ENOX1: variants seen among roughly 807,000 people sequenced by gnomAD.
The protein encoded by ENOX1 is candidate growth-related and time keeping constitutive hydroquinone (NADH) oxidase.
ENOX1 carries 42 observed loss-of-function variants against 82.5 expected under a neutral mutation model. That is an observed-to-expected ratio of 0.51 (90% CI 0.40 to 0.66). The LOEUF (loss-of-function observed/expected upper bound fraction) is 0.66, where lower values mean the gene tolerates loss of function less well. ENOX1 is among the 30% of genes least tolerant of loss of function. The pLI is 0.00. For missense variants in ENOX1, 608 were observed against 811.6 expected (o/e 0.75, Z 3.05); for synonymous variants, 271 against 282.2 (o/e 0.96, Z 0.40).
intron 1 of ENOX1, among the ~76,000 whole-genome samples, chr13:43,710,790 A>C (rs1159961372): frequency 1.3e-5 from 2 of 152,186 alleles, no homozygotes; most frequent in African/African-American, 4.8e-5. Context: ...GATCAACTTA[A>C]CATCTACAAA....
intron 3 of ENOX1, among the ~76,000 whole-genome samples, chr13:43,415,178 A>G (rs1366528436): frequency 2.0e-5 from 3 of 149,470 alleles, no homozygotes; most frequent in African/African-American, 7.4e-5. Context: ...TTATCCCCCA[A>G]TGAAACTCTT....
chr13:43,573,912 T>G (rs1271578600), intron 2 of ENOX1, among the ~76,000 whole-genome samples: 3 of 152,148 alleles, frequency 2.0e-5, no homozygotes, highest in Non-Finnish European at 4.4e-5. Context: ...CAAAATACAT[T>G]GTGCAATATT....
At chr13:43,337,352 G>C (rs1258703900) in intron 9 of ENOX1, among the ~76,000 whole-genome samples, 1 of 152,130 alleles carries the variant, frequency 6.6e-6, no homozygotes, top group Non-Finnish European at 1.5e-5. Context: ...TCTTGCTAGA[G>C]GGAAAATCAA....
At chr13:43,522,112 T>C (rs766329528) in intron 2 of ENOX1, among the ~76,000 whole-genome samples, 3 of 152,034 alleles carry the variant, frequency 2.0e-5, no homozygotes, top group Admixed American at 6.6e-5. Flanking sequence ...CTCAGTCACA[T>C]CTAGTTCTTG....
chr13:43,544,012 G>T, intron 2 of ENOX1: 1 of 148,718 alleles, frequency 6.7e-6, no homozygotes, highest in East Asian at 2.0e-4. Context: ...CGCCTCCAGG[G>T]TTCAAGCAAT....
intron 2 of ENOX1, among the ~76,000 whole-genome samples, chr13:43,566,041 CTGA>C (rs2079904843): frequency 6.6e-6 from 1 of 152,128 alleles, no homozygotes. Flanking sequence ...TAACTTGTGA[CTGA>C]TGATAATTAA....
intron 2 of ENOX1, among the ~76,000 whole-genome samples, chr13:43,617,894 G>C (rs745754968): frequency 8.6e-4 from 2 of 2,338 alleles, no homozygotes; most frequent in African/African-American, 1.1e-3. Flanking sequence ...CTACTGGTTT[G>C]TTGTTGTTGT....
chr13:43,627,361 G>T (rs2083010494), intron 2 of ENOX1, among the ~76,000 whole-genome samples: 1 of 151,842 alleles, frequency 6.6e-6, no homozygotes, highest in African/African-American at 2.4e-5. Context: ...TTCCAAGTAA[G>T]TTAATCATTT....
chr13:43,609,946 T>G (rs2082128921), intron 2 of ENOX1: 1 of 977,330 alleles, frequency 1.0e-6, no homozygotes, highest in Admixed American at 6.2e-5. Context: ...TAAATTAATC[T>G]TTGGTTCCAA....
chr13:43,283,602 T>C (rs892551019), intron 12 of ENOX1, among the ~76,000 whole-genome samples: 8 of 151,648 alleles, frequency 5.3e-5, no homozygotes, highest in Admixed American at 4.6e-4. Context: ...CGTGCTACTA[T>C]GCCTAGCTAA....
intron 1 of ENOX1, among the ~76,000 whole-genome samples, chr13:43,702,219 G>A (rs750875176): frequency 1.3e-5 from 2 of 152,092 alleles, no homozygotes; most frequent in African/African-American, 2.4e-5. Context: ...CTCTCATTTT[G>A]ATCATCATAC....
At chr13:43,274,129 A>T (rs2044861171) in intron 12 of ENOX1, among the ~76,000 whole-genome samples, 1 of 152,264 alleles carries the variant, frequency 6.6e-6, no homozygotes. Flanking sequence ...TGAGGAAAAC[A>T]GCAGTTTCAT....
At position 43,275,344 on chromosome 13, in the gene ENOX1, T is replaced by C. The variant is rs187384899; in HGVS notation, c.1447-5767A>G. Among the ~76,000 whole-genome samples, 294 of 152,330 alleles carry C rather than the reference T, an allele frequency of 1.9e-3. 1 individual carries two copies. Among genetic ancestry groups the C allele is most frequent in the African/African-American group, 6.4e-3 (265 of 41,574 alleles). On this transcript the variant is annotated intron_variant, in intron 12 of 16. Transcript: ENST00000690772. ...AACAGACTATGTAAGTTTGGTTCCA[T>C]GAAAGTCATAGATGACAGTGCAAAT...
chr13:43,731,471 A>G (rs1193565335), intron 1 of ENOX1, among the ~76,000 whole-genome samples: 1 of 151,858 alleles, frequency 6.6e-6, no homozygotes, highest in Non-Finnish European at 1.5e-5. Context: ...TTTTCACTCA[A>G]TCATAACTCC....
chr13:43,567,531 T>G (rs553264738), intron 2 of ENOX1, among the ~76,000 whole-genome samples: 143 of 152,260 alleles, frequency 9.4e-4, no homozygotes, highest in Non-Finnish European at 1.9e-3. Flanking sequence ...CTGAAATGAT[T>G]AACTGTAAAA....
At chr13:43,283,852 G>A (rs925555176) in intron 12 of ENOX1, among the ~76,000 whole-genome samples, 11 of 151,354 alleles carry the variant, frequency 7.3e-5, no homozygotes, top group African/African-American at 1.2e-4. Flanking sequence ...CTTTAGCTGC[G>A]TCCCACAAGT....
At chr13:43,659,110 C>G (rs1326460468) in intron 2 of ENOX1, among the ~76,000 whole-genome samples, 1 of 152,140 alleles carries the variant, frequency 6.6e-6, no homozygotes, top group African/African-American at 2.4e-5. Flanking sequence ...AATTTCACCT[C>G]CTAACCCTTA....
At chr13:43,726,293 T>C (rs1032503752) in intron 1 of ENOX1, among the ~76,000 whole-genome samples, 6 of 151,246 alleles carry the variant, frequency 4.0e-5, no homozygotes, top group Admixed American at 3.3e-4. Context: ...CTTGGCTCAC[T>C]GCAACCTCCG....
chr13:43,606,686 G>A (rs1299943253), intron 2 of ENOX1, among the ~76,000 whole-genome samples: 1 of 151,978 alleles, frequency 6.6e-6, no homozygotes, highest in Non-Finnish European at 1.5e-5. Flanking sequence ...AGTAGTTAAT[G>A]GGTACAAAAA....
Sources: allele counts gnomAD v4.1 joint callset (sites outside exome capture counted in the v4.1 genomes callset), GRCh38; gene constraint gnomAD v4.1.1; transcripts MANE v1.5; gene names NCBI Gene and HGNC (gene_info 2026-07-23, HGNC 2026-07-21).